The following KNTC1 variants were observed in gnomAD, a reference collection of about 807,000 sequenced individuals.
KNTC1 encodes kinetochore associated 1, also known as kinetochore-associated protein 1.
A neutral mutation model predicts 314.4 loss-of-function variants in KNTC1; 253 were observed. The ratio of observed to expected loss-of-function variants is 0.80; its 90% CI spans 0.73 to 0.89. The LOEUF (loss-of-function observed/expected upper bound fraction) is 0.89. Among genes scored for constraint, KNTC1 ranks in the 40% least tolerant of loss-of-function variants. The pLI is 0.00. For missense variants in KNTC1, 2,475 were observed against 2,572.9 expected (o/e 0.96, Z 0.82); for synonymous variants, 901 against 901.4 (o/e 1.00, Z 0.01).
At chr12:122,619,943 TG>T (rs1243342603) in intron 59 of KNTC1, 2 of 151,522 alleles carry the variant, frequency 1.3e-5, no homozygotes, top group Admixed American at 1.3e-4. Context: ...CTGAGGCGAG[TG>T]GATCACTTGA....
In KNTC1 at chr12:122,605,094, A is replaced by T. The variant is rs761680946; in HGVS notation, c.5386+7A>T. On this transcript the variant is annotated splice_region_variant and intron_variant, in intron 50 of 63. Transcript: ENST00000333479. ...TCTGGCACAGATTATCCTGGTGAGG[A>T]CAAAACAATTTTTTTGTTGTCCAAG... 46 of 1,599,546 alleles carry T rather than the reference A, an allele frequency of 2.9e-5. No individual in the cohort carries two copies. In the African/African-American group the frequency reaches 4.9e-4, roughly 17 times the overall value.
chr12:122,577,170 A>C, intron 30 of KNTC1, 141 bp downstream of exon 30: 1 of 582,386 alleles, frequency 1.7e-6, no homozygotes, highest in Non-Finnish European at 2.7e-6. Flanking sequence ...CGCTGGTCTC[A>C]AACTCTCAAC....
At chr12:122,572,843 G>C in intron 24 of KNTC1, 94 bp from the exon 25 acceptor site, 2 of 1,037,154 alleles carry the variant, frequency 1.9e-6, no homozygotes, top group Non-Finnish European at 2.8e-6. Context: ...GCATAACCAG[G>C]GTTAATTCTT....
At chr12:122,601,804 C>A in intron 45 of KNTC1, 179 bp downstream of exon 45, 1 of 636,010 alleles carries the variant, frequency 1.6e-6, no homozygotes, top group Non-Finnish European at 2.2e-6. Flanking sequence ...ATTTTCATGA[C>A]ATTCCTATTT....
Position 122,530,148 on chromosome 12 carries a change from G to A in KNTC1, c.85G>A (p.Ala29Thr). Residue 29 changes from alanine to threonine, a missense_variant, in exon 2 of 64, where the codon GCT becomes ACT. Coordinates refer to ENST00000333479, the MANE Select transcript of KNTC1 (RefSeq NM_014708.6). ...SVGSRKEHGT[A>T]LYQVDLLVKI... ...CGGTTCAAGAAAAGAACATGGAACT[G>A]CTTTATATCAAGTAGATTTGCTAGT... 6.2e-7 allele frequency: 1 copy of A among 1,613,532 alleles called. No individual in the cohort carries two copies.
intron 22 of KNTC1, 58 bp from the exon 23 acceptor site, chr12:122,570,818 T>C (rs1964636053): frequency 1.9e-6 from 2 of 1,068,382 alleles, no homozygotes; most frequent in Admixed American, 4.9e-5. Flanking sequence ...TCGTGGAGGT[T>C]TTTAGTTATG....
At position 122,624,627 on chromosome 12, in the gene KNTC1, AAT is replaced by A; in HGVS notation, c.6548_6549del (p.Tyr2183PhefsTer16). On this transcript the variant is annotated frameshift_variant, in exon 63 of 64. Coordinates refer to ENST00000333479, the MANE Select transcript of KNTC1 (RefSeq NM_014708.6). LOFTEE classifies it high-confidence loss of function. The stretch of plus-strand genomic sequence containing the variant: ...GATGAAGCTTCAGTCTTGATAACTG[AAT>A]ATTCAAAGCACTGCGGGAAACCTGT... 6.2e-7 allele frequency: 1 copy of A among 1,613,392 alleles called. No homozygotes were observed. The highest frequency in any genetic ancestry group is 1.7e-5 in the Admixed American group (1 of 60,000).
chr12:122,542,362 G>C (rs930417339), intron 6 of KNTC1, among the ~76,000 whole-genome samples: 6 of 152,202 alleles, frequency 3.9e-5, no homozygotes, highest in Admixed American at 1.3e-4. Flanking sequence ...AGTTTGGGGA[G>C]ATAAGCTTCA....
At chr12:122,550,561 C>CG (rs1963128639) in intron 13 of KNTC1, among the ~76,000 whole-genome samples, 2 of 152,028 alleles carry the variant, frequency 1.3e-5, no homozygotes, top group South Asian at 4.1e-4. Context: ...GTAGTACCGT[C>CG]GCTCAATCAT....
chr12:122,562,546 A>G (rs960344565), intron 19 of KNTC1, 92 bp from the exon 20 acceptor site: 1 of 824,834 alleles, frequency 1.2e-6, no homozygotes, highest in Non-Finnish European at 2.0e-6. Context: ...GTGAATGTGT[A>G]TAGACATGTG....
At chr12:122,554,595 T>C (rs1963448142) in intron 16 of KNTC1, among the ~76,000 whole-genome samples, 1 of 152,162 alleles carries the variant, frequency 6.6e-6, no homozygotes, top group Non-Finnish European at 1.5e-5. Flanking sequence ...ATAGTATTTA[T>C]AATTTACATT....
chr12:122,543,631 AAAGGT>A lies in KNTC1; in HGVS notation c.558+1_558+5del. The A allele has an allele frequency of 6.5e-7, 1 of 1,549,916 alleles. No homozygotes were observed. The highest frequency in any genetic ancestry group is 8.7e-7 in the Non-Finnish European group (1 of 1,143,232). ...AGAATGTAGACTTCAGTACAGCAAA[AAAGGT>A]AAGAAAATAAATCCATATTGTCCTC... On this transcript the variant is annotated splice_donor_variant and coding_sequence_variant, in exon 7 of 64. Transcript: ENST00000333479. LOFTEE classifies it high-confidence loss of function.
intron 20 of KNTC1, chr12:122,563,679 T>C: frequency 1.1e-6 from 1 of 933,852 alleles, no homozygotes; most frequent in Non-Finnish European, 1.4e-6. Context: ...TTCTATCCTA[T>C]TGAGTAATAG....
At chr12:122,585,421 G>C (rs150926687) in intron 36 of KNTC1, among the ~76,000 whole-genome samples, 42 of 152,270 alleles carry the variant, frequency 2.8e-4, no homozygotes, top group African/African-American at 8.9e-4. Context: ...GGAAAACAAC[G>C]TAAGGGCATG....
In KNTC1 at chr12:122,547,421, C is replaced by T. The variant is rs1297410483; in HGVS notation, c.823C>T (p.Leu275=). Reference sequence around the variant, plus strand: ...TGAAATGTCTCTATTGCAGAACGTGCTGAGTTTATGGGATATTTACACTCT... The same window carrying T: ...TGAAATGTCTCTATTGCAGAACGTGTTGAGTTTATGGGATATTTACACTCT... ...LLFVLDTDNV[L]SLWDIYTLTP... is the part of the protein sequence containing the mutation. The change falls in exon 11 of 64, where the codon CTG becomes TTG. Residue 275 remains leucine (L), a synonymous_variant. Transcript: ENST00000333479. 1.3e-6 allele frequency: 2 copies of T among 1,598,060 alleles called. No homozygotes were observed. The highest frequency in any genetic ancestry group is 2.2e-5 in the East Asian group (1 of 44,746).
intron 61 of KNTC1, among the ~76,000 whole-genome samples, 168 bp downstream of exon 61, chr12:122,622,138 C>A (rs553778779): frequency 6.6e-6 from 1 of 152,256 alleles, no homozygotes; most frequent in Admixed American, 6.5e-5. Context: ...GAGGCAGGGA[C>A]CCTGAGCGTC....
At position 122,569,748 on chromosome 12, in the gene KNTC1, T is replaced by A; in HGVS notation, c.1784T>A (p.Val595Asp). 6.2e-7 allele frequency: 1 copy of A among 1,613,774 alleles called. No individual in the cohort carries two copies. The highest frequency in any genetic ancestry group is 8.5e-7 in the Non-Finnish European group (1 of 1,179,718). ...ESLLNSMSAS[V>D]SLQKLCPWFK... ...TTGCTCAACTCAATGTCTGCATCAG[T>A]CTCTTTGCAAAAGCTGTGTCCATGG... The change falls in exon 22 of 64, where the codon GTC becomes GAC. Residue 595 changes from valine (V) to aspartate (D), a missense_variant. Physicochemically the swap from Val to Asp is radical, Grantham distance 152. Transcript: ENST00000333479.
chr12:122,615,932 A>C (rs1246004529), intron 57 of KNTC1, among the ~76,000 whole-genome samples: 3 of 152,078 alleles, frequency 2.0e-5, no homozygotes, highest in Non-Finnish European at 4.4e-5. Context: ...TCACATCTTT[A>C]TTTATGCTCT....
chr12:122,576,301 T>C (rs565345310), intron 29 of KNTC1, among the ~76,000 whole-genome samples: 4 of 152,230 alleles, frequency 2.6e-5, no homozygotes, highest in Non-Finnish European at 5.9e-5. Context: ...GCTCCCGACC[T>C]CAGGTGATCT....
Sources: allele counts gnomAD v4.1 joint callset (sites outside exome capture counted in the v4.1 genomes callset), GRCh38; gene constraint gnomAD v4.1.1; transcripts MANE v1.5; gene names NCBI Gene and HGNC (gene_info 2026-07-23, HGNC 2026-07-21).